The following GRIK2 variants were observed in gnomAD, a reference collection of about 807,000 sequenced individuals.
GRIK2 encodes the protein glutamate receptor ionotropic, kainate 2.
Under a neutral mutation model 100.3 loss-of-function variants are expected in GRIK2, and 32 were observed. That is an observed-to-expected ratio of 0.32 (90% CI 0.24 to 0.43). GRIK2 has a LOEUF of 0.43. Among genes scored for constraint, GRIK2 ranks in the 20% least tolerant of loss-of-function variants. GRIK2 has a pLI of 1.00. For synonymous variants in GRIK2, 417 were observed against 389.4 expected, an observed-to-expected ratio of 1.07 and a Z score of -0.83; for missense variants, 843 against 1,114.9, an observed-to-expected ratio of 0.76 and a Z score of 3.47.
intron 2 of GRIK2, among the ~76,000 whole-genome samples, chr6:101,497,687 AGCATCATAT>A (rs1196208230): frequency 6.6e-6 from 1 of 152,146 alleles, no homozygotes; most frequent in Non-Finnish European, 1.5e-5. Flanking sequence ...TTATTTTAAA[AGCATCATAT>A]GCTTACCTTC....
chr6:101,786,157 T>C (rs1779408301), intron 7 of GRIK2, among the ~76,000 whole-genome samples: 1 of 152,150 alleles, frequency 6.6e-6, no homozygotes, highest in South Asian at 2.1e-4. Context: ...TGTTTGTTGA[T>C]TTTGTGTTCT....
At chr6:101,990,603 G>A (rs55979704) in intron 14 of GRIK2, among the ~76,000 whole-genome samples, 17,063 of 151,564 alleles carry the variant, frequency 0.11, 2,687 homozygotes, top group African/African-American at 0.35. Context: ...TGTGTGTCAT[G>A]TCAGGCAACT....
chr6:101,520,534 G>T (rs1774830491), intron 2 of GRIK2, among the ~76,000 whole-genome samples: 1 of 152,046 alleles, frequency 6.6e-6, no homozygotes, highest in African/African-American at 2.4e-5. Context: ...ATAAGGAATA[G>T]AGAACAATCA....
At chr6:101,864,677 TG>T (rs1784940291) in intron 11 of GRIK2, among the ~76,000 whole-genome samples, 1 of 152,128 alleles carries the variant, frequency 6.6e-6, no homozygotes, top group South Asian at 2.1e-4. Context: ...TTATGGTTAA[TG>T]TATCCAAAAA....
intron 2 of GRIK2, among the ~76,000 whole-genome samples, chr6:101,410,103 A>C (rs960905977): frequency 6.6e-6 from 1 of 152,138 alleles, no homozygotes; most frequent in African/African-American, 2.4e-5. Flanking sequence ...ACATCAGAAG[A>C]AACAAACCAA....
chr6:101,422,814 T>G (rs1352760036), intron 2 of GRIK2, among the ~76,000 whole-genome samples: 3 of 152,188 alleles, frequency 2.0e-5, no homozygotes, highest in Non-Finnish European at 4.4e-5. Flanking sequence ...TATTCAACAT[T>G]GGAACTCAAC....
At chr6:101,580,205 A>C (rs1385896404) in intron 2 of GRIK2, among the ~76,000 whole-genome samples, 1 of 152,146 alleles carries the variant, frequency 6.6e-6, no homozygotes, top group Non-Finnish European at 1.5e-5. Flanking sequence ...ATGACATCTC[A>C]AACTGAACTC....
At chr6:101,440,893 T>G (rs902753264) in intron 2 of GRIK2, among the ~76,000 whole-genome samples, 25 of 151,326 alleles carry the variant, frequency 1.7e-4, no homozygotes, top group African/African-American at 5.8e-4. Flanking sequence ...CTTTTTTGTT[T>G]TTTTTTTTTG....
intron 2 of GRIK2, among the ~76,000 whole-genome samples, chr6:101,544,024 G>T (rs533309590): frequency 9.1e-4 from 139 of 151,968 alleles, no homozygotes; most frequent in Non-Finnish European, 1.5e-3. Flanking sequence ...CAAGAACACA[G>T]GGCTGTAATT....
intron 4 of GRIK2, among the ~76,000 whole-genome samples, chr6:101,673,492 C>T (rs140852352): frequency 2.0e-5 from 3 of 152,288 alleles, no homozygotes; most frequent in East Asian, 1.9e-4. Flanking sequence ...GCTTCTGAAG[C>T]AGCCCCGTGC....
chr6:101,620,203 TA>T, intron 2 of GRIK2: 1 of 881,332 alleles, frequency 1.1e-6, no homozygotes, highest in Non-Finnish European at 1.4e-6. Flanking sequence ...ATGTTATATA[TA>T]AGGGTAGAGA....
rs1199595461 is a variant in GRIK2, at chr6:101,760,574, TTAATTATATA to T, written c.952-39044_952-39035del. On this transcript the variant is annotated intron_variant, in intron 7 of 16. Transcript: ENST00000369134. ...ATTATATATAATTAATTATATTTAA[TTAATTATATA>T]TAATTATATATAATTATATATAATT... is the stretch of plus-strand genomic sequence containing the variant. Among the ~76,000 whole-genome samples, 623 of 83,358 alleles carry T rather than the reference TTAATTATATA, an allele frequency of 7.5e-3. 39 individuals are homozygous for T. Among genetic ancestry groups the T allele is most frequent in the Middle Eastern group, 0.036 (3 of 84 alleles). 54.7% of individuals were successfully genotyped at this position (83,358 alleles called of 152,430 possible).
intron 15 of GRIK2, among the ~76,000 whole-genome samples, chr6:102,041,630 C>T (rs1770580212): frequency 6.6e-6 from 1 of 151,432 alleles, no homozygotes; most frequent in African/African-American, 2.4e-5. Flanking sequence ...GTTACTGAGT[C>T]CCTATTACAC....
intron 4 of GRIK2, among the ~76,000 whole-genome samples, chr6:101,642,190 G>C (rs1244952948): frequency 6.6e-6 from 1 of 151,724 alleles, no homozygotes; most frequent in East Asian, 1.9e-4. Context: ...AGTTTTCTTA[G>C]AACATGTATA....
intron 11 of GRIK2, among the ~76,000 whole-genome samples, chr6:101,870,522 G>A (rs529681669): frequency 6.6e-6 from 1 of 151,798 alleles, no homozygotes; most frequent in African/African-American, 2.4e-5. Context: ...GATTTTCTTG[G>A]TATCTTTCAT....
chr6:102,007,635 AT>A (rs1381440210), intron 14 of GRIK2, among the ~76,000 whole-genome samples: 8 of 152,150 alleles, frequency 5.3e-5, no homozygotes, highest in Non-Finnish European at 1.2e-4. Context: ...AAACAATGCA[AT>A]TGTTGAAACA....
At chr6:102,047,018 C>G (rs2114476406) in intron 15 of GRIK2, among the ~76,000 whole-genome samples, 1 of 152,068 alleles carries the variant, frequency 6.6e-6, no homozygotes, top group African/African-American at 2.4e-5. Context: ...AAACAAATGA[C>G]AGTAGAAACA....
chr6:101,675,329 C>A lies in GRIK2; in HGVS notation c.542-1294C>A, dbSNP rs188024499. Among the ~76,000 whole-genome samples, 1,353 of 146,606 alleles carry A rather than the reference C, an allele frequency of 9.2e-3. 15 individuals are homozygous for A. Among genetic ancestry groups the A allele is most frequent in the Non-Finnish European group, 0.015 (995 of 67,866 alleles). On this transcript the variant is annotated intron_variant, in intron 4 of 16. Transcript: ENST00000369134. ...CACCACACACACACACACACACACT[C>A]GAGAAACAGAGAGAAGGAAAAAGAG...
chr6:101,994,096 T>C (rs1057199652), intron 14 of GRIK2, among the ~76,000 whole-genome samples: 11 of 150,344 alleles, frequency 7.3e-5, no homozygotes, highest in African/African-American at 1.5e-4. Flanking sequence ...AATGTATACA[T>C]ATATACATTC....
Sources: allele counts gnomAD v4.1 joint callset (sites outside exome capture counted in the v4.1 genomes callset), GRCh38; gene constraint gnomAD v4.1.1; transcripts MANE v1.5; gene names NCBI Gene and HGNC (gene_info 2026-07-23, HGNC 2026-07-21).